Variants in UGT1A8 observed in about 807,000 individuals in gnomAD.
UGT1A8 encodes the protein UDP-glucuronosyltransferase 1A8.
UGT1A8 carries 39 observed loss-of-function variants against 45.3 expected under a neutral mutation model. The observed-to-expected ratio is 0.86, with a 90% CI of 0.67 to 1.12. UGT1A8 has a LOEUF of 1.12. Among genes scored for constraint, UGT1A8 ranks in the 50% most tolerant of loss-of-function variants. UGT1A8 has a pLI of 0.00. For missense variants in UGT1A8, 719 were observed against 664.9 expected (o/e 1.08, Z -0.90); for synonymous variants, 275 against 249.2 (o/e 1.10, Z -0.97).
At chr2:233,707,801 C>T (rs2075988257) in intron 1 of UGT1A8, among the ~76,000 whole-genome samples, 1 of 152,112 alleles carries the variant, frequency 6.6e-6, no homozygotes, top group African/African-American at 2.4e-5. Context: ...GGAGCTGCTG[C>T]GTTGGAGGGC....
At position 233,659,680 on chromosome 2, in the gene UGT1A8, A is replaced by G. The variant is rs74401574; in HGVS notation, c.855+41118A>G. On this transcript the variant is annotated intron_variant, in intron 1 of 4. Coordinates refer to ENST00000373450, the MANE Select transcript of UGT1A8 (RefSeq NM_019076.5). ...GCACTCGATTTAACTTAATGGAAAT[A>G]CATCATAATTACTGTCTGACATTTT... 8.5e-5 allele frequency among the ~76,000 whole-genome samples: 13 copies of G among 152,292 alleles called. No homozygotes were observed. The East Asian group carries it at 2.5e-3, about 29-fold the overall frequency.
intron 1 of UGT1A8, among the ~76,000 whole-genome samples, chr2:233,640,906 G>C (rs1023856743): frequency 6.6e-6 from 1 of 151,944 alleles, no homozygotes; most frequent in East Asian, 1.9e-4. Context: ...CAGGACCAGG[G>C]GAAAGCAAAA....
intron 1 of UGT1A8, among the ~76,000 whole-genome samples, chr2:233,738,491 G>C (rs113157638): frequency 5.3e-5 from 8 of 152,298 alleles, no homozygotes; most frequent in African/African-American, 1.9e-4. Flanking sequence ...CTTGTTGAAC[G>C]GTTTTGACCA....
intron 1 of UGT1A8, chr2:233,648,791 T>G: frequency 1.1e-6 from 1 of 895,394 alleles, no homozygotes; most frequent in Non-Finnish European, 1.7e-6. Flanking sequence ...AAGGAGAGAG[T>G]AAGGAACCAC....
At chr2:233,678,881 C>A (rs1035530359) in intron 1 of UGT1A8, among the ~76,000 whole-genome samples, 2 of 152,164 alleles carry the variant, frequency 1.3e-5, no homozygotes, top group African/African-American at 2.4e-5. Flanking sequence ...TCATGACTTC[C>A]TTGATTGGCT....
At chr2:233,682,378 C>G (rs763404567) in intron 1 of UGT1A8, 3 of 1,613,940 alleles carry the variant, frequency 1.9e-6, no homozygotes, top group Non-Finnish European at 1.7e-6. Flanking sequence ...CAGTGTTTCT[C>G]GATCCTTTTG....
chr2:233,746,871 T>C (rs1693501074), intron 1 of UGT1A8, among the ~76,000 whole-genome samples: 1 of 151,612 alleles, frequency 6.6e-6, no homozygotes, highest in Admixed American at 6.5e-5. Flanking sequence ...CTGATAAACG[T>C]GGTTAACAGA....
intron 1 of UGT1A8, among the ~76,000 whole-genome samples, chr2:233,663,311 C>T (rs924209824): frequency 3.9e-5 from 6 of 152,176 alleles, no homozygotes; most frequent in Non-Finnish European, 8.8e-5. Flanking sequence ...TCTCCCCAAG[C>T]AATTTGGGGA....
chr2:233,726,720 A>G (rs1047156507), intron 1 of UGT1A8, among the ~76,000 whole-genome samples: 16 of 152,220 alleles, frequency 1.1e-4, no homozygotes, highest in African/African-American at 3.4e-4. Context: ...AGGAAGTACA[A>G]TGTAGATACT....
chr2:233,681,996 G>A (rs1178155998), intron 1 of UGT1A8: 3 of 1,614,180 alleles, frequency 1.9e-6, no homozygotes, highest in South Asian at 2.2e-5. Context: ...CTGCTGACCT[G>A]TGGCTTTGCC....
At chr2:233,683,841 A>G (rs989453889) in intron 1 of UGT1A8, among the ~76,000 whole-genome samples, 3 of 152,146 alleles carry the variant, frequency 2.0e-5, no homozygotes, top group Non-Finnish European at 2.9e-5. Flanking sequence ...TGTAAGGTGT[A>G]TTAAGTATGC....
intron 1 of UGT1A8, among the ~76,000 whole-genome samples, chr2:233,697,374 A>G (rs1382201272): frequency 6.6e-6 from 1 of 152,066 alleles, no homozygotes; most frequent in Non-Finnish European, 1.5e-5. Context: ...TATAGAGTTC[A>G]CAATAATCGC....
At chr2:233,662,422 C>T (rs1197150384) in intron 1 of UGT1A8, among the ~76,000 whole-genome samples, 4 of 152,132 alleles carry the variant, frequency 2.6e-5, no homozygotes, top group Admixed American at 2.0e-4. Flanking sequence ...AATGGACCAA[C>T]ACCGTTGAAA....
At chr2:233,669,759 A>G (rs2125498563) in intron 1 of UGT1A8, among the ~76,000 whole-genome samples, 2 of 152,190 alleles carry the variant, frequency 1.3e-5, no homozygotes, top group Middle Eastern at 3.4e-3. Flanking sequence ...TCTCAGCTCA[A>G]TGCAACCTCC....
chr2:233,719,226 G>T (rs2076738991), intron 1 of UGT1A8: 1 of 1,614,026 alleles, frequency 6.2e-7, no homozygotes, highest in Non-Finnish European at 8.5e-7. Context: ...GCATAATGAG[G>T]CCCTGATCAG....
intron 1 of UGT1A8, among the ~76,000 whole-genome samples, chr2:233,739,478 C>A (rs945148386): frequency 2.6e-5 from 4 of 152,180 alleles, no homozygotes; most frequent in African/African-American, 9.7e-5. Context: ...ACCGTGGGAG[C>A]CCATTTCTGG....
At chr2:233,732,936 C>G (rs2078338075) in intron 1 of UGT1A8, among the ~76,000 whole-genome samples, 1 of 152,082 alleles carries the variant, frequency 6.6e-6, no homozygotes, top group African/African-American at 2.4e-5. Flanking sequence ...TTCTTCCTAT[C>G]CATGAGCATG....
At position 233,773,123 on chromosome 2, in the gene UGT1A8, A is replaced by G. The variant is rs1700567243; in HGVS notation, c.*564A>G. On this transcript the variant is annotated 3_prime_UTR_variant, in exon 5 of 5. Transcript: ENST00000373450. ...GCATATGATTTCTTGCTTTGGGGAA[A>G]AAGAATGATGCTATGAAATTGGTGG... 6.4e-6 allele frequency: 1 copy of G among 155,124 alleles called. No homozygotes were observed. The highest frequency in any genetic ancestry group is 1.4e-5 in the Non-Finnish European group (1 of 69,730). The allele number at this position is 155,124 out of a possible 1,614,324, so 9.6% of individuals were successfully genotyped here. A position where few individuals can be genotyped will look rare whatever the true frequency, so the allele number is the denominator to read the frequency against.
intron 1 of UGT1A8, among the ~76,000 whole-genome samples, chr2:233,681,530 C>CAAA (rs747693860): frequency 8.2e-4 from 64 of 77,672 alleles, no homozygotes; most frequent in Admixed American, 1.8e-3. Flanking sequence ...GACTCCATCT[C>CAAA]AAAAAAAAAA....
Sources: gnomAD v4.1 joint callset for allele counts (sites outside exome capture counted in the v4.1 genomes callset) on GRCh38, gnomAD v4.1.1 for gene constraint, MANE v1.5 for transcripts, NCBI Gene and HGNC (gene_info 2026-07-23, HGNC 2026-07-21) for gene names.